Variants in NEK6 observed in about 807,000 individuals in gnomAD.
The protein encoded by NEK6 is NIMA related kinase 6, also known as serine/threonine-protein kinase Nek6.
Under a neutral mutation model 43.5 loss-of-function variants are expected in NEK6, and 27 were observed. The observed-to-expected ratio is 0.62, with a 90% CI of 0.46 to 0.86. The LOEUF (loss-of-function observed/expected upper bound fraction) is 0.86, where lower values mean the gene tolerates loss of function less well. Ranked by LOEUF, NEK6 falls within the 40% of genes least tolerant of loss-of-function variation. NEK6 has a pLI of 0.00. For missense variants in NEK6, 318 were observed against 414.4 expected (o/e 0.77, Z 2.02); for synonymous variants, 167 against 164.1 (o/e 1.02, Z -0.14).
intron 2 of NEK6, among the ~76,000 whole-genome samples, chr9:124,306,845 C>T (rs1007627545): frequency 6.6e-6 from 1 of 152,180 alleles, no homozygotes; most frequent in Non-Finnish European, 1.5e-5. Flanking sequence ...CTACCAAATC[C>T]ATTAGAGTTT....
rs918163967 is a variant in NEK6, at chr9:124,258,458, G to T, written c.-30+373G>T. On this transcript the variant is annotated intron_variant, in intron 1 of 9. Transcript: ENST00000320246. Reference sequence around the variant, plus strand: ...GTGTGCCGGGCGCCGCAGGGAGTACGTGCGGGTCTCAGGGAGTGTGTGTGT... The same window carrying T: ...GTGTGCCGGGCGCCGCAGGGAGTACTTGCGGGTCTCAGGGAGTGTGTGTGT... 1.1e-4 allele frequency: 57 copies of T among 537,888 alleles called. No homozygotes were observed. In the African/African-American group the frequency reaches 1.1e-3, roughly 11 times the overall value. The allele number at this position is 537,888 out of a possible 1,614,324, so 33.3% of individuals were successfully genotyped here.
chr9:124,261,587 G>A (rs905930012), intron 1 of NEK6: 1 of 985,272 alleles, frequency 1.0e-6, no homozygotes, highest in African/African-American at 1.7e-5. Flanking sequence ...CTTGTAGGTA[G>A]GCTTCTTGTC....
chr9:124,303,998 T>C (rs10760349), intron 2 of NEK6, among the ~76,000 whole-genome samples: 86,691 of 151,700 alleles, frequency 0.57, 24,995 homozygotes, highest in East Asian at 0.8. Context: ...CGTCTCATCG[T>C]TCATGTTGGA....
At chr9:124,337,369 T>C (rs1829350334) in intron 7 of NEK6, among the ~76,000 whole-genome samples, 1 of 152,208 alleles carries the variant, frequency 6.6e-6, no homozygotes, top group African/African-American at 2.4e-5. Context: ...CAGAGCCCCA[T>C]CTTCACCATT....
chr9:124,273,718 G>A (rs1464023738), intron 1 of NEK6, among the ~76,000 whole-genome samples: 3 of 152,210 alleles, frequency 2.0e-5, no homozygotes, highest in Admixed American at 2.0e-4. Flanking sequence ...GGGAGTTGAG[G>A]AGGCTAAAGA....
chr9:124,281,487 CTTTTTTT>C (rs759381068), intron 1 of NEK6, among the ~76,000 whole-genome samples: 67 of 102,966 alleles, frequency 6.5e-4, no homozygotes, highest in South Asian at 3.1e-3. Flanking sequence ...GCTGTTTTTT[CTTTTTTT>C]TTTTTTTTTT....
rs1183271966 is a variant in NEK6 at position 124,351,797 on chromosome 9, G to A, written c.*850G>A. On this transcript the variant is annotated 3_prime_UTR_variant, in exon 10 of 10. Coordinates refer to ENST00000320246, the MANE Select transcript of NEK6 (RefSeq NM_014397.6). ...CTTGGGCAAGTTTCTTAGCCGTTCT[G>A]AGCCTTCATTTCCTCATCTGTACAA... The A allele has an allele frequency of 6.6e-6, 1 of 152,320 alleles. No homozygotes were observed. The highest frequency in any genetic ancestry group is 1.9e-4 in the East Asian group (1 of 5,182). The allele number at this position is 152,320 out of a possible 1,614,324, so 9.4% of individuals were successfully genotyped here. A position where few individuals can be genotyped will look rare whatever the true frequency, so the allele number is the denominator to read the frequency against.
intron 2 of NEK6, among the ~76,000 whole-genome samples, chr9:124,308,103 G>A (rs771817537): frequency 2.0e-5 from 3 of 152,194 alleles, no homozygotes; most frequent in Non-Finnish European, 4.4e-5. Flanking sequence ...CCCTGAAGGG[G>A]GTACTGTTAT....
At chr9:124,270,507 C>T (rs1412304694) in intron 1 of NEK6, among the ~76,000 whole-genome samples, 8 of 151,750 alleles carry the variant, frequency 5.3e-5, no homozygotes, top group Non-Finnish European at 1.0e-4. Context: ...TGCAAGTTCC[C>T]TTGTTCAAAA....
intron 7 of NEK6, among the ~76,000 whole-genome samples, chr9:124,337,244 G>A (rs941550350): frequency 2.6e-5 from 4 of 152,188 alleles, no homozygotes; most frequent in Non-Finnish European, 1.5e-5. Flanking sequence ...AACCCTACAG[G>A]TGCTGGGAGG....
chr9:124,329,937 G>A (rs577478096), intron 7 of NEK6, among the ~76,000 whole-genome samples: 6 of 152,360 alleles, frequency 3.9e-5, no homozygotes, highest in Admixed American at 1.3e-4. Flanking sequence ...TGCATCTGCC[G>A]CATCTCATGT....
intron 1 of NEK6, chr9:124,292,742 TTCTG>T (rs2119063587): frequency 8.5e-7 from 1 of 1,179,800 alleles, no homozygotes; most frequent in Non-Finnish European, 1.2e-6. Context: ...CCTCAGGTGT[TTCTG>T]TACTGAGTCA....
chr9:124,278,261 T>A (rs1375515235), intron 1 of NEK6, among the ~76,000 whole-genome samples: 1 of 152,184 alleles, frequency 6.6e-6, no homozygotes, highest in African/African-American at 2.4e-5. Context: ...TCCAAGACGT[T>A]CACACAGTGA....
At chr9:124,289,934 G>T (rs1376259175) in intron 1 of NEK6, among the ~76,000 whole-genome samples, 1 of 152,186 alleles carries the variant, frequency 6.6e-6, no homozygotes, top group Non-Finnish European at 1.5e-5. Context: ...ACACAGCACA[G>T]CTCAGAGCAC....
chr9:124,322,238 C>T (rs1347594277), intron 5 of NEK6, among the ~76,000 whole-genome samples: 1 of 152,156 alleles, frequency 6.6e-6, no homozygotes, highest in African/African-American at 2.4e-5. Context: ...GACACCCAGG[C>T]CTGGGGTCTT....
intron 1 of NEK6, chr9:124,265,646 T>C (rs772583097): frequency 5.9e-5 from 9 of 152,282 alleles, no homozygotes; most frequent in Non-Finnish European, 1.5e-5. Context: ...CCTGCTGCTC[T>C]GTAGCCTAAA....
chr9:124,314,016 C>T, intron 4 of NEK6, 31 bp downstream of exon 4: 1 of 1,609,640 alleles, frequency 6.2e-7, no homozygotes. Context: ...GGGAGCTTTG[C>T]CTCCTCGGGG....
intron 1 of NEK6, among the ~76,000 whole-genome samples, chr9:124,282,847 C>T (rs757052288): frequency 1.3e-5 from 2 of 152,218 alleles, no homozygotes; most frequent in Admixed American, 6.5e-5. Flanking sequence ...AACGTCTCAG[C>T]GCCCAGCATA....
At chr9:124,263,630 C>T (rs796879441) in intron 1 of NEK6, among the ~76,000 whole-genome samples, 32 of 152,324 alleles carry the variant, frequency 2.1e-4, no homozygotes, top group African/African-American at 7.5e-4. Flanking sequence ...CAGCCGGGAC[C>T]CTTGGTCCGT....
Sources: gnomAD v4.1 joint callset for allele counts (sites outside exome capture counted in the v4.1 genomes callset) on GRCh38, gnomAD v4.1.1 for gene constraint, MANE v1.5 for transcripts, NCBI Gene and HGNC (gene_info 2026-07-23, HGNC 2026-07-21) for gene names.